Variants in ADAMTSL3 observed in about 807,000 individuals in gnomAD.
The protein encoded by ADAMTSL3 is ADAMTS-like protein 3.
Under a neutral mutation model 201.7 loss-of-function variants are expected in ADAMTSL3, and 128 were observed. That is an observed-to-expected ratio of 0.63 (90% CI 0.55 to 0.73). The LOEUF (loss-of-function observed/expected upper bound fraction) is 0.73, where lower values mean the gene tolerates loss of function less well. ADAMTSL3 is among the 30% of genes least tolerant of loss of function. The pLI is 0.00. For missense variants in ADAMTSL3, 1,990 were observed against 2,119.6 expected (o/e 0.94, Z 1.20); for synonymous variants, 738 against 748.4 (o/e 0.99, Z 0.23).
chr15:84,002,403 G>T (rs1218423518), intron 23 of ADAMTSL3, among the ~76,000 whole-genome samples: 2 of 152,112 alleles, frequency 1.3e-5, no homozygotes, highest in Non-Finnish European at 2.9e-5. Context: ...CCTGTCTTCA[G>T]TGCCACCAGT....
At chr15:83,741,256 TG>T (rs2062450390) in intron 3 of ADAMTSL3, among the ~76,000 whole-genome samples, 1 of 151,286 alleles carries the variant, frequency 6.6e-6, no homozygotes, top group Non-Finnish European at 1.5e-5. Flanking sequence ...TATTAATAGA[TG>T]GAATCCCACA....
chr15:83,738,182 T>G (rs576383274), intron 3 of ADAMTSL3, among the ~76,000 whole-genome samples: 1 of 152,214 alleles, frequency 6.6e-6, no homozygotes, highest in East Asian at 1.9e-4. Context: ...AAGCTTGGAG[T>G]TAAGTTCAAT....
At chr15:83,665,798 T>C (rs1449912678) in intron 2 of ADAMTSL3, among the ~76,000 whole-genome samples, 3 of 152,226 alleles carry the variant, frequency 2.0e-5, no homozygotes, top group Non-Finnish European at 2.9e-5. Flanking sequence ...TAAATTATTG[T>C]GGTCAAATAC....
intron 2 of ADAMTSL3, among the ~76,000 whole-genome samples, chr15:83,661,141 A>G (rs2061157184): frequency 6.6e-6 from 1 of 150,990 alleles, no homozygotes; most frequent in African/African-American, 2.4e-5. Flanking sequence ...ATTGATCTAT[A>G]TCTCTGTTTT....
chr15:83,707,862 A>G lies in ADAMTSL3; in HGVS notation c.189+3354A>G, dbSNP rs367693721. Among the ~76,000 whole-genome samples the G allele has an allele frequency of 3.3e-5, 5 of 152,326 alleles. No homozygotes were observed. The East Asian group carries it at 5.8e-4, about 18-fold the overall frequency. On this transcript the variant is annotated intron_variant, in intron 3 of 29. Coordinates refer to ENST00000286744, the MANE Select transcript of ADAMTSL3 (RefSeq NM_207517.3). ...GTCTCATGTTGGAACAAATTGCAGC[A>G]TACTGGGTGGCATGCAGCATTACTC...
At chr15:83,726,317 A>T (rs1481114410) in intron 3 of ADAMTSL3, among the ~76,000 whole-genome samples, 1 of 152,076 alleles carries the variant, frequency 6.6e-6, no homozygotes, top group Non-Finnish European at 1.5e-5. Context: ...TTTTTTCCAA[A>T]TATAAGATCA....
intron 16 of ADAMTSL3, among the ~76,000 whole-genome samples, chr15:83,916,987 A>G (rs151281467): frequency 1.4e-4 from 21 of 152,282 alleles, no homozygotes; most frequent in Non-Finnish European, 2.2e-4. Context: ...TCTGTGATCT[A>G]TTTCAACGTG....
At chr15:83,895,920 A>G (rs976145238) in intron 13 of ADAMTSL3, among the ~76,000 whole-genome samples, 5 of 152,292 alleles carry the variant, frequency 3.3e-5, no homozygotes, top group East Asian at 1.9e-4. Flanking sequence ...AGATTTCCCA[A>G]TATTCTGCCT....
rs918035448 is a variant in ADAMTSL3, at chr15:83,866,565, C to T, written c.803-4237C>T. Among the ~76,000 whole-genome samples, 19 of 151,400 alleles carry T rather than the reference C, an allele frequency of 1.3e-4. 1 individual carries two copies. Among genetic ancestry groups the T allele is most frequent in the Admixed American group, 1.2e-3 (19 of 15,214 alleles). ...ATAGGTGGGAATTGAACAATGAGAA[C>T]ACATGGACACAGGAAGGGGAACATC... On this transcript the variant is annotated intron_variant, in intron 8 of 29. Coordinates refer to ENST00000286744, the MANE Select transcript of ADAMTSL3 (RefSeq NM_207517.3).
intron 28 of ADAMTSL3, among the ~76,000 whole-genome samples, chr15:84,034,368 T>G (rs185741265): frequency 6.6e-6 from 1 of 152,246 alleles, no homozygotes; most frequent in East Asian, 1.9e-4. Context: ...GTAGCATTAG[T>G]GGCGTGGGCA....
At chr15:83,721,323 A>G (rs1272671549) in intron 3 of ADAMTSL3, among the ~76,000 whole-genome samples, 1 of 152,196 alleles carries the variant, frequency 6.6e-6, no homozygotes, top group Non-Finnish European at 1.5e-5. Flanking sequence ...CTTATTTTAA[A>G]CAACCAGAGT....
intron 24 of ADAMTSL3, among the ~76,000 whole-genome samples, chr15:84,016,072 A>G (rs919731530): frequency 6.6e-5 from 10 of 152,220 alleles, no homozygotes; most frequent in African/African-American, 2.4e-4. Context: ...TATCCAACCA[A>G]TCTGCTTCCT....
At chr15:83,808,573 C>T (rs2063640260) in intron 5 of ADAMTSL3, among the ~76,000 whole-genome samples, 5 of 152,060 alleles carry the variant, frequency 3.3e-5, no homozygotes. Flanking sequence ...GTATGGAGTT[C>T]CTCAAAATTT....
chr15:84,007,991 T>A (rs1157202928), intron 23 of ADAMTSL3, among the ~76,000 whole-genome samples: 1 of 152,132 alleles, frequency 6.6e-6, no homozygotes, highest in Non-Finnish European at 1.5e-5. Context: ...TTCATTTCTC[T>A]TCATTCTCTC....
intron 2 of ADAMTSL3, among the ~76,000 whole-genome samples, chr15:83,701,919 G>C (rs2194954): frequency 6.6e-6 from 1 of 151,974 alleles, no homozygotes; most frequent in African/African-American, 2.4e-5. Context: ...GGTTGGAACA[G>C]TTTGGAGGGC....
chr15:83,966,743 G>C (rs2067097266), intron 19 of ADAMTSL3, among the ~76,000 whole-genome samples: 1 of 152,056 alleles, frequency 6.6e-6, no homozygotes, highest in African/African-American at 2.4e-5. Flanking sequence ...GAAAATTTCA[G>C]GCCAATATCC....
chr15:83,865,283 C>G (rs2064951147), intron 8 of ADAMTSL3, among the ~76,000 whole-genome samples: 1 of 152,020 alleles, frequency 6.6e-6, no homozygotes, highest in Admixed American at 6.6e-5. Context: ...CATATGGAAC[C>G]AAAAAGAGCC....
At chr15:83,808,791 C>T in intron 5 of ADAMTSL3, among the ~76,000 whole-genome samples, 1 of 151,744 alleles carries the variant, frequency 6.6e-6, no homozygotes, top group Non-Finnish European at 1.5e-5. Context: ...AAATACTATG[C>T]AGCCGTAAAA....
intron 6 of ADAMTSL3, among the ~76,000 whole-genome samples, chr15:83,830,531 C>T (rs2064134228): frequency 6.6e-6 from 1 of 152,204 alleles, no homozygotes; most frequent in Non-Finnish European, 1.5e-5. Context: ...AATCCACCCA[C>T]TTCATTTTGA....
Sources: gnomAD v4.1 joint callset for allele counts (sites outside exome capture counted in the v4.1 genomes callset) on GRCh38, gnomAD v4.1.1 for gene constraint, MANE v1.5 for transcripts, NCBI Gene and HGNC (gene_info 2026-07-23, HGNC 2026-07-21) for gene names.